The following PACRG variants were observed in gnomAD, a reference collection of about 807,000 sequenced individuals.
The protein encoded by PACRG is parkin coregulated.
Under a neutral mutation model 29.7 loss-of-function variants are expected in PACRG, and 29 were observed. The observed-to-expected ratio is 0.98, with a 90% CI of 0.73 to 1.33. PACRG has a LOEUF of 1.33. PACRG is among the 40% of genes most tolerant of loss of function. PACRG has a pLI of 0.00. For missense variants in PACRG, 279 were observed against 316.2 expected, an observed-to-expected ratio of 0.88 and a Z score of 0.89; for synonymous variants, 116 against 118.7, an observed-to-expected ratio of 0.98 and a Z score of 0.15.
At chr6:162,838,631 G>A (rs1413041069) in intron 2 of PACRG, among the ~76,000 whole-genome samples, 1 of 151,814 alleles carries the variant, frequency 6.6e-6, no homozygotes, top group Non-Finnish European at 1.5e-5. Flanking sequence ...TAGGGTACAT[G>A]TGCACATTGT....
chr6:163,025,491 C>T (rs964823892), intron 2 of PACRG, among the ~76,000 whole-genome samples: 6 of 152,022 alleles, frequency 3.9e-5, no homozygotes, highest in East Asian at 1.9e-4. Flanking sequence ...TTCCAGTCAC[C>T]GTGAAGAAAA....
chr6:162,966,031 T>A (rs1366886245), intron 2 of PACRG, among the ~76,000 whole-genome samples: 2 of 152,030 alleles, frequency 1.3e-5, no homozygotes, highest in African/African-American at 2.4e-5. Context: ...GAAGGATGAG[T>A]TGATGTAGGT....
rs140281009 is a variant in PACRG at position 163,030,861 on chromosome 6, G to T, written c.292-31289G>T. 9.2e-3 allele frequency among the ~76,000 whole-genome samples: 1,406 copies of T among 152,236 alleles called. 21 individuals are homozygous for T. Among genetic ancestry groups the T allele is most frequent in the African/African-American group, 0.032 (1,349 of 41,538 alleles). On this transcript the variant is annotated intron_variant, in intron 2 of 4. Transcript: ENST00000366888. ...TCACTTTCATCGCCATCTTGGTTTT[G>T]GTAGGTTTTAGCCAGCTTCTTTACT... is the stretch of plus-strand genomic sequence containing the variant.
intron 2 of PACRG, among the ~76,000 whole-genome samples, chr6:162,936,572 A>G (rs80038711): frequency 0.012 from 1,833 of 152,284 alleles, 18 homozygotes; most frequent in Non-Finnish European, 0.019. Context: ...CAAACACACT[A>G]TATTGCAGAA....
intron 2 of PACRG, among the ~76,000 whole-genome samples, chr6:162,958,735 C>T (rs202108015): frequency 2.1e-5 from 3 of 144,760 alleles, no homozygotes; most frequent in Non-Finnish European, 3.0e-5. Flanking sequence ...TACACATATG[C>T]GTGTGTGTGT....
At chr6:163,064,838 G>GT (rs5881503) in intron 3 of PACRG, among the ~76,000 whole-genome samples, 56,496 of 147,512 alleles carry the variant, frequency 0.38, 10,864 homozygotes, top group East Asian at 0.67. Context: ...CAGACTAGAA[G>GT]TTTTTTTTTT....
chr6:162,997,669 G>A (rs1804199723), intron 2 of PACRG: 1 of 238,256 alleles, frequency 4.2e-6, no homozygotes, highest in Admixed American at 5.8e-5. Flanking sequence ...CTTCAAAGTG[G>A]TGATTTCAGT....
chr6:163,302,244 G>GTTTGTTTTTT (rs1785031596), intron 4 of PACRG, among the ~76,000 whole-genome samples: 1 of 140,974 alleles, frequency 7.1e-6, no homozygotes, highest in Non-Finnish European at 1.5e-5. Flanking sequence ...TCTTTTTTTT[G>GTTTGTTTTTT]TTTGTTTTTT....
chr6:162,997,594 C>T (rs1804191688), intron 2 of PACRG: 2 of 311,876 alleles, frequency 6.4e-6, no homozygotes, highest in South Asian at 5.2e-5. Context: ...GACAATTTGA[C>T]ATAGGTCTTG....
intron 4 of PACRG, among the ~76,000 whole-genome samples, chr6:163,161,167 A>G (rs886155138): frequency 3.9e-5 from 6 of 152,118 alleles, no homozygotes; most frequent in Middle Eastern, 3.4e-3. Context: ...TTTCAATACA[A>G]TCCCATAGCT....
intron 2 of PACRG, among the ~76,000 whole-genome samples, chr6:162,949,000 C>G (rs893901910): frequency 1.3e-5 from 2 of 151,962 alleles, no homozygotes; most frequent in African/African-American, 4.8e-5. Context: ...TTTTACTACT[C>G]GGTGTTTATC....
At chr6:163,019,742 G>T (rs753357191) in intron 2 of PACRG, among the ~76,000 whole-genome samples, 1 of 152,102 alleles carries the variant, frequency 6.6e-6, no homozygotes, top group African/African-American at 2.4e-5. Flanking sequence ...ACACAATTTC[G>T]ATGTAGTTCT....
rs71008115 is a variant in PACRG, at chr6:162,825,933, A to ATTTATTTTAT, written c.291+11671_291+11680dup. ...TACTTTTGAGAATGGCTATGCATTTATTTATTTTATTTTATTTTATTTTAT... is the reference window on the plus strand; with the variant it reads ...TACTTTTGAGAATGGCTATGCATTTATTTATTTTATTTTATTTTATTTTATTTTATTTTAT... On this transcript the variant is annotated intron_variant, in intron 2 of 4. Transcript: ENST00000366888. Among the ~76,000 whole-genome samples the ATTTATTTTAT allele has an allele frequency of 9.9e-5, 15 of 151,546 alleles. No homozygotes were observed. In the South Asian group the frequency reaches 1.5e-3, roughly 15 times the overall value.
chr6:162,729,210 TGA>T lies in PACRG; in HGVS notation c.156+821_156+822del, dbSNP rs1310127531. ...GGTATGCTAAGACAGATTTTGCTAC[TGA>T]GTAAGCAACTGTCTGGGAATGAGGC... is the stretch of plus-strand genomic sequence containing the variant. On this transcript the variant is annotated intron_variant, in intron 1 of 4. Transcript: ENST00000366888. Among the ~76,000 whole-genome samples the T allele has an allele frequency of 2.0e-5, 3 of 152,334 alleles. No homozygotes were observed. In the East Asian group the frequency reaches 5.8e-4, roughly 29 times the overall value.
At chr6:162,733,713 G>A (rs1270026577) in intron 1 of PACRG, among the ~76,000 whole-genome samples, 1 of 152,102 alleles carries the variant, frequency 6.6e-6, no homozygotes, top group African/African-American at 2.4e-5. Context: ...TTAGTGCCAC[G>A]CCTTTGCCCT....
chr6:163,158,079 G>A (rs1488926815), intron 4 of PACRG, among the ~76,000 whole-genome samples: 1 of 152,214 alleles, frequency 6.6e-6, no homozygotes, highest in Non-Finnish European at 1.5e-5. Context: ...CCAGGACCAT[G>A]TGAGGTGGTA....
intron 1 of PACRG, 92 bp downstream of exon 1, chr6:162,728,483 C>G (rs2128244671): frequency 6.7e-7 from 1 of 1,483,548 alleles, no homozygotes; most frequent in East Asian, 2.3e-5. Context: ...GACTCTGAGC[C>G]ATGTCCTGGG....
intron 2 of PACRG, among the ~76,000 whole-genome samples, chr6:162,842,758 T>C (rs6905997): frequency 0.46 from 50,226 of 108,258 alleles, 12,790 homozygotes; most frequent in African/African-American, 0.74. Context: ...CCATGTTTAG[T>C]GCTTCCTTCA....
chr6:162,928,409 T>C (rs1514337), intron 2 of PACRG, among the ~76,000 whole-genome samples: 81,004 of 151,664 alleles, frequency 0.53, 22,367 homozygotes, highest in Middle Eastern at 0.7. Context: ...TCTCTATTTT[T>C]TTCTAGTCTA....
Sources: allele counts gnomAD v4.1 joint callset (sites outside exome capture counted in the v4.1 genomes callset), GRCh38; gene constraint gnomAD v4.1.1; transcripts MANE v1.5; gene names NCBI Gene and HGNC (gene_info 2026-07-23, HGNC 2026-07-21).